CYRIB: variants seen among roughly 807,000 people sequenced by gnomAD.
CYRIB encodes CYFIP related Rac1 interactor B, also known as CYFIP-related Rac1 interactor B.
CYRIB carries 8 observed loss-of-function variants against 44.2 expected under a neutral mutation model. The observed-to-expected ratio is 0.18, with a 90% CI of 0.11 to 0.33. The LOEUF is 0.33. CYRIB is among the 10% of genes least tolerant of loss of function. The pLI, the probability that CYRIB is intolerant of heterozygous loss-of-function variation, is 1.00. For missense variants in CYRIB, 185 were observed against 382.8 expected, an observed-to-expected ratio of 0.48 and a Z score of 4.31; for synonymous variants, 131 against 127.2, an observed-to-expected ratio of 1.03 and a Z score of -0.20.
chr8:129,938,986 C>G (rs2093304029), intron 1 of CYRIB, among the ~76,000 whole-genome samples: 1 of 152,172 alleles, frequency 6.6e-6, no homozygotes, highest in African/African-American at 2.4e-5. Flanking sequence ...GACTGAGAAT[C>G]TGGACTTTAA....
At chr8:129,933,497 G>A (rs961348165) in intron 1 of CYRIB, among the ~76,000 whole-genome samples, 1 of 152,150 alleles carries the variant, frequency 6.6e-6, no homozygotes, top group African/African-American at 2.4e-5. Context: ...GTTTACAGGG[G>A]TTAGGAAAAT....
chr8:130,000,003 C>T (rs1233045207), intron 1 of CYRIB, among the ~76,000 whole-genome samples: 1 of 152,310 alleles, frequency 6.6e-6, no homozygotes, highest in East Asian at 1.9e-4. Context: ...CCGTGTCCCC[C>T]TTGTGTTTTA....
intron 2 of CYRIB, among the ~76,000 whole-genome samples, chr8:129,956,961 C>A (rs1170253513): frequency 2.6e-5 from 4 of 151,832 alleles, no homozygotes; most frequent in Admixed American, 2.0e-4. Context: ...ACCTCAGACT[C>A]CCAAGTAGCT....
chr8:130,000,104 A>G (rs2096874743), intron 1 of CYRIB, among the ~76,000 whole-genome samples: 1 of 152,192 alleles, frequency 6.6e-6, no homozygotes, highest in South Asian at 2.1e-4. Flanking sequence ...CCCAGGGCCC[A>G]GCTCAGCAAG....
chr8:129,850,054 A>G (rs186754361), intron 9 of CYRIB: 45 of 152,408 alleles, frequency 3.0e-4, no homozygotes, highest in African/African-American at 9.6e-4. Flanking sequence ...GCACATGGAT[A>G]GTGTCCCTTC....
intron 2 of CYRIB, among the ~76,000 whole-genome samples, chr8:129,885,550 G>C (rs1232117023): frequency 6.6e-6 from 1 of 152,156 alleles, no homozygotes; most frequent in Non-Finnish European, 1.5e-5. Flanking sequence ...ATTCTTTGCT[G>C]TAGGGGACTG....
At chr8:129,854,866 T>C (rs1358847737) in intron 6 of CYRIB, among the ~76,000 whole-genome samples, 2 of 152,026 alleles carry the variant, frequency 1.3e-5, no homozygotes, top group African/African-American at 4.8e-5. Flanking sequence ...GGAACTCAGG[T>C]CTCTTGATAT....
chr8:129,978,037 T>C (rs2096032227), intron 1 of CYRIB, among the ~76,000 whole-genome samples: 1 of 151,968 alleles, frequency 6.6e-6, no homozygotes, highest in South Asian at 2.1e-4. Flanking sequence ...AGCTCCCGAG[T>C]AGCTGGGGTA....
chr8:130,006,477 T>A (rs2097067613), intron 1 of CYRIB, among the ~76,000 whole-genome samples: 1 of 139,774 alleles, frequency 7.2e-6, no homozygotes, highest in Non-Finnish European at 1.5e-5. Context: ...TAAAATAAAA[T>A]AAAATATATA....
upstream of CYRIB, chr8:130,016,820 G>T (rs1025857026): frequency 6.6e-6 from 1 of 151,908 alleles, no homozygotes. Context: ...CGGGACGGTG[G>T]TGACCTTGGG....
chr8:129,926,554 T>G (rs1295437454), intron 1 of CYRIB, among the ~76,000 whole-genome samples: 2 of 152,118 alleles, frequency 1.3e-5, no homozygotes, highest in Non-Finnish European at 2.9e-5. Context: ...CCATATAAAA[T>G]CATACTACAA....
intron 2 of CYRIB, among the ~76,000 whole-genome samples, chr8:129,881,544 C>T (rs2060811698): frequency 6.6e-6 from 1 of 152,200 alleles, no homozygotes; most frequent in South Asian, 2.1e-4. Flanking sequence ...CTGTAAGCTT[C>T]CCATGAGGAA....
chr8:129,861,277 C>T (rs2049352039), intron 5 of CYRIB, among the ~76,000 whole-genome samples: 1 of 152,188 alleles, frequency 6.6e-6, no homozygotes, highest in Admixed American at 6.5e-5. Context: ...GCTCTGCCTC[C>T]TCCTCCTCCA....
intron 1 of CYRIB, among the ~76,000 whole-genome samples, chr8:129,912,867 TTCTCTACTGCTGTTAAAGTTA>T (rs1037566721): frequency 2.0e-5 from 3 of 152,164 alleles, no homozygotes; most frequent in Non-Finnish European, 4.4e-5. Flanking sequence ...AACAAGTGTG[TTCTCTACTGCTGTTAAAGTTA>T]TCTCTACTGC....
chr8:129,917,547 A>C (rs2136801877), intron 1 of CYRIB, among the ~76,000 whole-genome samples: 1 of 152,318 alleles, frequency 6.6e-6, no homozygotes, highest in African/African-American at 2.4e-5. Flanking sequence ...TCTTAAAAAA[A>C]AATTTCCAAG....
intron 4 of CYRIB, among the ~76,000 whole-genome samples, chr8:129,866,422 T>G (rs1283951911): frequency 7.2e-5 from 11 of 152,162 alleles, no homozygotes; most frequent in Non-Finnish European, 1.5e-4. Context: ...TTCAAAAGGC[T>G]TGGTTAACTG....
chr8:130,011,621 T>G (rs555328080), intron 1 of CYRIB, among the ~76,000 whole-genome samples: 4 of 150,950 alleles, frequency 2.6e-5, no homozygotes, highest in South Asian at 2.1e-4. Flanking sequence ...ATTGAGACCA[T>G]CCTAGCAAAC....
At chr8:129,990,482 A>G (rs1440761570) in intron 1 of CYRIB, among the ~76,000 whole-genome samples, 1 of 145,908 alleles carries the variant, frequency 6.9e-6, no homozygotes, top group African/African-American at 2.6e-5. Flanking sequence ...GTGTGCATGC[A>G]TGTGTGTGTG....
chr8:130,009,711 C>G (rs1164051212), intron 1 of CYRIB, among the ~76,000 whole-genome samples: 1 of 152,226 alleles, frequency 6.6e-6, no homozygotes, highest in Non-Finnish European at 1.5e-5. Context: ...AGGCTTTCTG[C>G]TAGACTATGC....
Sources: allele counts gnomAD v4.1 joint callset (sites outside exome capture counted in the v4.1 genomes callset), GRCh38; gene constraint gnomAD v4.1.1; transcripts MANE v1.5; gene names NCBI Gene and HGNC (gene_info 2026-07-23, HGNC 2026-07-21).